The following CEP128 variants were observed in gnomAD, a reference collection of about 807,000 sequenced individuals.
CEP128 encodes the protein centrosomal protein 128, also known as centrosomal protein 128kDa.
A neutral mutation model predicts 156.7 loss-of-function variants in CEP128; 132 were observed. The observed-to-expected ratio is 0.84, with a 90% CI of 0.73 to 0.97. The LOEUF is 0.97. Ranked by LOEUF, CEP128 falls within the 50% of genes least tolerant of loss-of-function variation. The probability of loss-of-function intolerance (pLI) is 0.00; values close to 1 mark genes in which losing one functional copy is unlikely to be tolerated. For synonymous variants in CEP128, 469 were observed against 448.9 expected, an observed-to-expected ratio of 1.04 and a Z score of -0.57; for missense variants, 1,252 against 1,281.9, an observed-to-expected ratio of 0.98 and a Z score of 0.36.
intron 19 of CEP128, among the ~76,000 whole-genome samples, chr14:80,677,508 C>CAAAAAAAAAAAAAAAAAAAA (rs57636757): frequency 2.1e-5 from 2 of 94,060 alleles, no homozygotes; most frequent in Non-Finnish European, 2.1e-5. Flanking sequence ...GACTCCGTCT[C>CAAAAAAAAAAAAAAAAAAAA]AAAAAAAAAA....
chr14:80,787,244 C>G (rs565321559), intron 14 of CEP128, among the ~76,000 whole-genome samples: 1 of 152,238 alleles, frequency 6.6e-6, no homozygotes, highest in South Asian at 2.1e-4. Context: ...AATCCATGTC[C>G]AAGCTCATTC....
rs1368894283 is a variant in CEP128 at position 80,922,973 on chromosome 14, T to C, written c.-15-6411A>G. On this transcript the variant is annotated intron_variant, in intron 2 of 24. Transcript: ENST00000555265. ...CCTGCTGGTGCAACAAAATTTCTTA[T>C]TAACAAGAAAGCAACAATATTTGTG... is the stretch of plus-strand genomic sequence containing the variant. Among the ~76,000 whole-genome samples, 5 of 152,334 alleles carry C rather than the reference T, an allele frequency of 3.3e-5. No homozygotes were observed. The East Asian group carries it at 9.6e-4, about 29-fold the overall frequency.
At chr14:80,800,936 A>G (rs1207988124) in intron 13 of CEP128, among the ~76,000 whole-genome samples, 2 of 152,214 alleles carry the variant, frequency 1.3e-5, no homozygotes, top group Admixed American at 6.5e-5. Flanking sequence ...GAAATGAAAC[A>G]TGAGAAAGAA....
In CEP128 at chr14:80,793,815, A is replaced by T. The variant is rs565730438; in HGVS notation, c.1210-705T>A. On this transcript the variant is annotated intron_variant, in intron 13 of 24. Transcript: ENST00000555265. Reference sequence around the variant, plus strand: ...GATGGTGATTATATATTTGGAAATTACACTAAATCATCATGATTAATACAT... The same window carrying T: ...GATGGTGATTATATATTTGGAAATTTCACTAAATCATCATGATTAATACAT... Among the ~76,000 whole-genome samples the T allele has an allele frequency of 2.0e-5, 3 of 152,310 alleles. No individual in the cohort carries two copies. The South Asian group carries it at 6.2e-4, about 32-fold the overall frequency.
In CEP128 at chr14:80,591,200, G is replaced by A. The variant is rs189525633; in HGVS notation, c.2807-10777C>T. Reference sequence around the variant, plus strand: ...AATGGGCTAAATGTCCCAATTAAAAGACACAGACTGGAAAATTGGATAAAG... The same window carrying A: ...AATGGGCTAAATGTCCCAATTAAAAAACACAGACTGGAAAATTGGATAAAG... On this transcript the variant is annotated intron_variant, in intron 19 of 24. Transcript: ENST00000555265. Among the ~76,000 whole-genome samples, 150 of 152,156 alleles carry A rather than the reference G, an allele frequency of 9.9e-4. No homozygotes were observed. In the Middle Eastern group the frequency reaches 0.024, roughly 24 times the overall value.
rs190868797 is a variant in CEP128 at position 80,555,137 on chromosome 14, T to C, written c.2880+4142A>G. 3.7e-3 allele frequency among the ~76,000 whole-genome samples: 556 copies of C among 152,254 alleles called. 4 individuals are homozygous for C. The highest frequency in any genetic ancestry group is 0.013 in the African/African-American group (534 of 41,580). On this transcript the variant is annotated intron_variant, in intron 21 of 24. Coordinates refer to ENST00000555265, the MANE Select transcript of CEP128 (RefSeq NM_152446.5). ...AATGACTCCTCTTACTCTCTCAAAC[T>C]GTTATCTATCTCTCTATACATTATC... is the stretch of plus-strand genomic sequence containing the variant.
chr14:80,667,220 A>G (rs1895652930), intron 19 of CEP128, among the ~76,000 whole-genome samples: 1 of 152,228 alleles, frequency 6.6e-6, no homozygotes, highest in Non-Finnish European at 1.5e-5. Context: ...AGACATTAGA[A>G]GGCAGGCTGA....
rs1448951236 is a variant in CEP128 at position 80,862,889 on chromosome 14, G to A, written c.646-16C>T. 6 of 1,580,542 alleles carry A rather than the reference G, an allele frequency of 3.8e-6. No homozygotes were observed. Among genetic ancestry groups the A allele is most frequent in the African/African-American group, 1.3e-5 (1 of 74,352 alleles). ...GATCTGAAACCTTAATAAGAATTCA[G>A]AGAAACAGCAGCATTATAGAGCTAG... On this transcript the variant is annotated splice_polypyrimidine_tract_variant and intron_variant, in intron 8 of 24. Coordinates refer to ENST00000555265, the MANE Select transcript of CEP128 (RefSeq NM_152446.5).
At chr14:80,683,803 AC>A (rs1476219913) in intron 19 of CEP128, among the ~76,000 whole-genome samples, 8 of 152,168 alleles carry the variant, frequency 5.3e-5, no homozygotes, top group African/African-American at 1.4e-4. Flanking sequence ...AGAAATCAAT[AC>A]AAAGAAAATC....
chr14:80,874,298 T>C (rs937330253), intron 8 of CEP128, among the ~76,000 whole-genome samples: 4 of 151,986 alleles, frequency 2.6e-5, no homozygotes, highest in African/African-American at 7.3e-5. Context: ...ACCCTGTCTC[T>C]ATTAAAAATA....
chr14:80,955,707 G>C, intron 2 of CEP128: 2 of 1,614,124 alleles, frequency 1.2e-6, no homozygotes, highest in Non-Finnish European at 8.5e-7. Flanking sequence ...TGCTGCAGCT[G>C]GTGCTGCTGC....
intron 18 of CEP128, among the ~76,000 whole-genome samples, chr14:80,752,655 C>CAATATTCATAAATGTAAGGTT (rs1899453582): frequency 6.6e-6 from 1 of 152,124 alleles, no homozygotes; most frequent in Non-Finnish European, 1.5e-5. Context: ...AATAAAAAGA[C>CAATATTCATAAATGTAAGGTT]AATATTCATA....
At chr14:80,774,609 ATG>A (rs143520284) in intron 16 of CEP128, among the ~76,000 whole-genome samples, 2,879 of 150,612 alleles carry the variant, frequency 0.019, 55 homozygotes, top group Middle Eastern at 0.048. Flanking sequence ...ATATATACAT[ATG>A]TGTGTGTGTG....
chr14:80,863,253 T>G (rs1267732608), intron 8 of CEP128, among the ~76,000 whole-genome samples: 1 of 152,212 alleles, frequency 6.6e-6, no homozygotes, highest in Non-Finnish European at 1.5e-5. Flanking sequence ...AATGATAAAT[T>G]GTTCGACCTA....
chr14:80,791,943 G>A (rs564801287), intron 14 of CEP128, among the ~76,000 whole-genome samples: 63 of 152,064 alleles, frequency 4.1e-4, no homozygotes, highest in Non-Finnish European at 8.7e-4. Context: ...TATTCTTTTG[G>A]AATGTACAGA....
intron 13 of CEP128, chr14:80,830,381 T>C (rs923397333): frequency 3.7e-5 from 15 of 401,668 alleles, no homozygotes; most frequent in East Asian, 1.1e-4. Flanking sequence ...CTACCTTTCA[T>C]TTTAATTTTG....
At chr14:80,543,814 A>G (rs139654383) in intron 21 of CEP128, among the ~76,000 whole-genome samples, 3 of 152,212 alleles carry the variant, frequency 2.0e-5, no homozygotes, top group African/African-American at 7.2e-5. Flanking sequence ...AACAATTTGA[A>G]GTTTTGAACT....
intron 19 of CEP128, among the ~76,000 whole-genome samples, chr14:80,737,032 C>T (rs181706372): frequency 6.6e-6 from 1 of 152,118 alleles, no homozygotes; most frequent in Admixed American, 6.6e-5. Flanking sequence ...AAGAATAAAA[C>T]ATATTTCTTA....
chr14:80,796,213 C>T (rs1181888710), intron 13 of CEP128, among the ~76,000 whole-genome samples: 1 of 152,134 alleles, frequency 6.6e-6, no homozygotes, highest in Non-Finnish European at 1.5e-5. Context: ...AAAAATCTTA[C>T]TTTGGGAGGC....
Sources: gnomAD v4.1 joint callset for allele counts (sites outside exome capture counted in the v4.1 genomes callset) on GRCh38, gnomAD v4.1.1 for gene constraint, MANE v1.5 for transcripts, NCBI Gene and HGNC (gene_info 2026-07-23, HGNC 2026-07-21) for gene names.